Variants in ZNF468 observed in about 807,000 individuals in gnomAD.
ZNF468 encodes the protein zinc finger protein 468, also known as zinc finger protein ZNF468.
ZNF468 carries 8 observed loss-of-function variants against 7.2 expected under a neutral mutation model. That is an observed-to-expected ratio of 1.11 (90% CI 0.65 to 2.01). The LOEUF (loss-of-function observed/expected upper bound fraction) is 2.01, where lower values mean the gene tolerates loss of function less well. Among genes scored for constraint, ZNF468 ranks in the 30% most tolerant of loss-of-function variants. ZNF468 has a pLI of 0.00. For synonymous variants in ZNF468, 218 were observed against 214.4 expected (o/e 1.02, Z -0.15); for missense variants, 608 against 626.5 (o/e 0.97, Z 0.31).
intron 2 of ZNF468, among the ~76,000 whole-genome samples, chr19:52,852,736 G>C (rs2147743274): frequency 6.6e-6 from 1 of 152,104 alleles, no homozygotes; most frequent in South Asian, 2.1e-4. Flanking sequence ...CTTGATACCG[G>C]AGTGATGAAA....
At chr19:52,854,790 C>G (rs969296808) in intron 1 of ZNF468, among the ~76,000 whole-genome samples, 42 of 151,804 alleles carry the variant, frequency 2.8e-4, no homozygotes, top group African/African-American at 9.7e-4. Flanking sequence ...TCTGAAAGGC[C>G]AAGGTGGGTG....
rs1407066193 is a variant in ZNF468 at position 52,841,786 on chromosome 19, T to C, written c.508A>G (p.Asn170Asp). The C allele has an allele frequency of 2.5e-6, 4 of 1,613,978 alleles. No homozygotes were observed. Among genetic ancestry groups the C allele is most frequent in the South Asian group, 2.2e-5 (2 of 91,076 alleles). Residue 170 changes from asparagine to aspartate, a missense_variant, in exon 4 of 4, where the codon AAT (asparagine) becomes GAT (aspartate). Transcript: ENST00000595646. ...TGGGATGTTGAAACTGAGGAAGCAT[T>C]GTTGATAGACTTCTCAACTTGATTA... ...IGNQVEKSIN[N>D]ASSVSTSQRI...
At position 52,845,828 on chromosome 19, in the gene ZNF468, A is replaced by T. The variant is rs182222981; in HGVS notation, c.142+3259T>A. Among the ~76,000 whole-genome samples, 343 of 152,146 alleles carry T rather than the reference A, an allele frequency of 2.3e-3. 1 individual carries two copies. The highest frequency in any genetic ancestry group is 8.0e-3 in the African/African-American group (332 of 41,508). Reference sequence around the variant, plus strand: ...GAGATCAGCCTGGCCAACAAGGAAAAACCCTGTCTCTACTAAAACACAAAA... The same window carrying T: ...GAGATCAGCCTGGCCAACAAGGAAATACCCTGTCTCTACTAAAACACAAAA... On this transcript the variant is annotated intron_variant, in intron 3 of 3. Transcript: ENST00000595646.
At chr19:52,854,191 C>T in intron 2 of ZNF468, 67 bp downstream of exon 2, 3 of 1,611,840 alleles carry the variant, frequency 1.9e-6, no homozygotes, top group South Asian at 1.1e-5. Context: ...CCAGACATTC[C>T]CAACTCCAAG....
chr19:52,850,146 A>G (rs1479015209), intron 2 of ZNF468, among the ~76,000 whole-genome samples: 2 of 152,124 alleles, frequency 1.3e-5, no homozygotes, highest in East Asian at 1.9e-4. Context: ...GTACATATAT[A>G]AAGTTTTTAA....
At chr19:52,855,463 C>G (rs537756788) in intron 1 of ZNF468, among the ~76,000 whole-genome samples, 2 of 152,342 alleles carry the variant, frequency 1.3e-5, no homozygotes, top group Admixed American at 1.3e-4. Context: ...GGTAAGCTCC[C>G]AGGAGGAGGC....
chr19:52,850,803 G>A (rs2063382685), intron 2 of ZNF468, among the ~76,000 whole-genome samples: 2 of 151,866 alleles, frequency 1.3e-5, no homozygotes. Flanking sequence ...GGAGGCTGAG[G>A]CAGGAGAATG....
At chr19:52,849,040 T>A (rs752145091) in intron 3 of ZNF468, 47 bp downstream of exon 3, 2 of 1,603,490 alleles carry the variant, frequency 1.2e-6, no homozygotes, top group South Asian at 2.2e-5. Flanking sequence ...TAAGAGAAAA[T>A]GCAAAAATAC....
chr19:52,853,999 A>G (rs761071383), intron 2 of ZNF468: 10 of 1,486,046 alleles, frequency 6.7e-6, no homozygotes, highest in South Asian at 5.3e-5. Context: ...CACTGACACC[A>G]CAGGACCCTC....
chr19:52,845,493 T>C (rs1258908776), intron 3 of ZNF468, among the ~76,000 whole-genome samples: 2 of 151,634 alleles, frequency 1.3e-5, no homozygotes, highest in East Asian at 3.9e-4. Flanking sequence ...ACCCCATCTC[T>C]ACTAAAAATA....
chr19:52,850,863 C>T (rs1009477241), intron 2 of ZNF468, among the ~76,000 whole-genome samples: 15 of 151,982 alleles, frequency 9.9e-5, no homozygotes, highest in African/African-American at 2.2e-4. Flanking sequence ...CGCGCCACTG[C>T]ACTCCAGCCT....
At chr19:52,857,251 G>A (rs1451728766) in intron 1 of ZNF468, among the ~76,000 whole-genome samples, 2 of 152,176 alleles carry the variant, frequency 1.3e-5, no homozygotes, top group South Asian at 2.1e-4. Flanking sequence ...GAGGCGCACA[G>A]GGTGGGAATA....
At chr19:52,850,295 A>G (rs1363639943) in intron 2 of ZNF468, among the ~76,000 whole-genome samples, 1 of 152,050 alleles carries the variant, frequency 6.6e-6, no homozygotes, top group Admixed American at 6.6e-5. Flanking sequence ...AGCAGTAATC[A>G]CCCTTTCAAC....
At chr19:52,842,241 C>T (rs1341401274) in intron 3 of ZNF468, 90 bp from the exon 4 acceptor site, 5 of 1,204,034 alleles carry the variant, frequency 4.2e-6, no homozygotes, top group African/African-American at 1.6e-5. Flanking sequence ...AAAAACAATA[C>T]TTATTTTCAA....
intron 3 of ZNF468, 87 bp from the exon 4 acceptor site, chr19:52,842,238 A>G (rs2063310479): frequency 1.6e-6 from 2 of 1,219,224 alleles, no homozygotes; most frequent in Admixed American, 2.7e-5. Flanking sequence ...AAAAAAAACA[A>G]TACTTATTTT....
intron 1 of ZNF468, among the ~76,000 whole-genome samples, chr19:52,856,825 C>T (rs1182051522): frequency 6.6e-6 from 1 of 151,986 alleles, no homozygotes; most frequent in African/African-American, 2.4e-5. Context: ...TCTACTTTGC[C>T]ATCTGTTATG....
At chr19:52,849,494 T>A in intron 2 of ZNF468, 1 of 505,450 alleles carries the variant, frequency 2.0e-6, no homozygotes, top group Non-Finnish European at 3.2e-6. Context: ...TATAAAAATG[T>A]TTGAAACTTT....
rs760676482 is a variant in ZNF468, at chr19:52,842,030, A to C, written c.264T>G (p.His88Gln). Residue 88 changes from histidine to glutamine, a missense_variant, in exon 4 of 4, where the codon CAT becomes CAG. Transcript: ENST00000595646. ...ASHHIGEFCF[H>Q]EIEKDIHGFE... Reference sequence around the variant, plus strand: ...AGCCATGAATGTCTTTCTCAATTTCATGGAAACAAAATTCTCCAATGTGAT... The same window carrying C: ...AGCCATGAATGTCTTTCTCAATTTCCTGGAAACAAAATTCTCCAATGTGAT... 11 of 1,614,000 alleles carry C rather than the reference A, an allele frequency of 6.8e-6. No homozygotes were observed. The East Asian group carries it at 1.8e-4, about 26-fold the overall frequency.
At chr19:52,856,011 T>G (rs183432869) in intron 1 of ZNF468, among the ~76,000 whole-genome samples, 1 of 152,218 alleles carries the variant, frequency 6.6e-6, no homozygotes, top group Admixed American at 6.5e-5. Context: ...CATCCCATTC[T>G]TAAAATTAGA....
Sources: gnomAD v4.1 joint callset for allele counts (sites outside exome capture counted in the v4.1 genomes callset) on GRCh38, gnomAD v4.1.1 for gene constraint, MANE v1.5 for transcripts, NCBI Gene and HGNC (gene_info 2026-07-23, HGNC 2026-07-21) for gene names.